The following FBLN1 variants were observed in gnomAD, a reference collection of about 807,000 sequenced individuals.
FBLN1 encodes fibulin-1.
A neutral mutation model predicts 89.7 loss-of-function variants in FBLN1; 34 were observed. The ratio of observed to expected loss-of-function variants is 0.38; its 90% CI spans 0.29 to 0.50. The LOEUF (loss-of-function observed/expected upper bound fraction) is 0.50, where lower values mean the gene tolerates loss of function less well. Ranked by LOEUF, FBLN1 falls within the 20% of genes least tolerant of loss-of-function variation. The pLI is 0.92. For missense variants in FBLN1, 777 were observed against 988.1 expected (o/e 0.79, Z 2.86); for synonymous variants, 393 against 391.3 (o/e 1.00, Z -0.05).
chr22:45,529,156 G>A (rs1339274946), intron 4 of FBLN1, among the ~76,000 whole-genome samples: 7 of 152,230 alleles, frequency 4.6e-5, no homozygotes, highest in South Asian at 4.1e-4. Context: ...CAGCCGACAC[G>A]TGGAGGAGGG....
chr22:45,600,202 A>G (rs1035887286), intron 16 of FBLN1, 105 bp from the exon 17 acceptor site: 53 of 1,384,782 alleles, frequency 3.8e-5, no homozygotes, highest in Middle Eastern at 4.5e-4. Flanking sequence ...CATGAGGTCT[A>G]TGCCTCCTTC....
At chr22:45,585,815 C>A (rs905369952) in intron 16 of FBLN1, among the ~76,000 whole-genome samples, 8 of 152,106 alleles carry the variant, frequency 5.3e-5, no homozygotes, top group Non-Finnish European at 1.0e-4. Flanking sequence ...ATGTCGTGAC[C>A]CCATGGGGCA....
chr22:45,542,995 G>A (rs1457867441), intron 10 of FBLN1, among the ~76,000 whole-genome samples: 3 of 152,338 alleles, frequency 2.0e-5, no homozygotes, highest in East Asian at 1.9e-4. Flanking sequence ...GGCCAGGCGC[G>A]ATGGCTCATG....
At chr22:45,596,196 A>G (rs141170572) in intron 16 of FBLN1, among the ~76,000 whole-genome samples, 9 of 152,298 alleles carry the variant, frequency 5.9e-5, no homozygotes, top group African/African-American at 2.2e-4. Flanking sequence ...ATCCCTGTTC[A>G]TAGAAGAGGA....
At chr22:45,528,707 G>C (rs1270950807) in intron 4 of FBLN1, among the ~76,000 whole-genome samples, 2 of 151,798 alleles carry the variant, frequency 1.3e-5, no homozygotes, top group East Asian at 2.0e-4. Context: ...CTAAATATTT[G>C]AGTACCATAC....
chr22:45,516,706 C>G (rs1056218477), intron 1 of FBLN1, among the ~76,000 whole-genome samples: 1 of 152,226 alleles, frequency 6.6e-6, no homozygotes, highest in South Asian at 2.1e-4. Flanking sequence ...TGCTGTGGCA[C>G]GAAACTTCAC....
rs772021577 is a variant in FBLN1 at position 45,580,440 on chromosome 22, C to T, written c.1972+3332C>T. Among the ~76,000 whole-genome samples, 2 of 152,284 alleles carry T rather than the reference C, an allele frequency of 1.3e-5. No individual in the cohort carries two copies. The highest frequency in any genetic ancestry group is 1.5e-5 in the Non-Finnish European group (1 of 68,022). ...AGGGCTTCCTGGAGGAGGTGAGGCC[C>T]GAGCTGAGTGTCCTTGCATGTGAGG... On this transcript the variant is annotated intron_variant, in intron 16 of 16. Transcript: ENST00000327858. This position sits in a 1 kb window ranked among gnomAD's most constrained non-coding sequence, Gnocchi z 8.6.
chr22:45,529,358 C>A (rs1326674172), intron 4 of FBLN1, among the ~76,000 whole-genome samples: 1 of 152,250 alleles, frequency 6.6e-6, no homozygotes, highest in Non-Finnish European at 1.5e-5. Flanking sequence ...CCCCCCCGTT[C>A]TGTGTCCTCG....
At chr22:45,533,462 G>T (rs1602183252) in intron 6 of FBLN1, among the ~76,000 whole-genome samples, 1 of 152,332 alleles carries the variant, frequency 6.6e-6, no homozygotes, top group Non-Finnish European at 1.5e-5. Flanking sequence ...AGCCTCTCCT[G>T]GCCCCCGCGT....
At chr22:45,559,665 C>T (rs2105926) in intron 14 of FBLN1, among the ~76,000 whole-genome samples, 84,973 of 151,952 alleles carry the variant, frequency 0.56, 23,778 homozygotes, top group Middle Eastern at 0.66. Context: ...ATTACCTGAC[C>T]TCCTTAAGCC....
chr22:45,582,051 G>A (rs2089046435), intron 16 of FBLN1, among the ~76,000 whole-genome samples: 1 of 152,182 alleles, frequency 6.6e-6, no homozygotes. Context: ...TGAGGTTGCG[G>A]TTGAGGTTGT....
intron 14 of FBLN1, among the ~76,000 whole-genome samples, chr22:45,552,001 GT>G (rs1369575206): frequency 5.9e-5 from 9 of 152,376 alleles, no homozygotes; most frequent in Admixed American, 4.6e-4. Flanking sequence ...TTGGCCATGT[GT>G]GCTGAGGTCA....
chr22:45,535,451 C>A, intron 8 of FBLN1, 114 bp downstream of exon 8: 1 of 1,312,198 alleles, frequency 7.6e-7, no homozygotes, highest in Non-Finnish European at 1.1e-6. Context: ...CAGGGGTTGG[C>A]AAACTTTTTG....
chr22:45,535,448 T>G, intron 8 of FBLN1, 111 bp downstream of exon 8: 1 of 1,346,602 alleles, frequency 7.4e-7, no homozygotes. Context: ...GAACAGGGGT[T>G]GGCAAACTTT....
At chr22:45,520,823 C>A (rs926849332) in intron 2 of FBLN1, among the ~76,000 whole-genome samples, 5 of 151,902 alleles carry the variant, frequency 3.3e-5, no homozygotes, top group African/African-American at 9.7e-5. Flanking sequence ...TATCTTTTTT[C>A]TTTATTTTTT....
chr22:45,557,939 C>G lies in FBLN1; in HGVS notation c.1697+7324C>G. On this transcript the variant is annotated intron_variant, in intron 14 of 16. Transcript: ENST00000327858. The surrounding 1 kb of genome is among the most constrained non-coding windows in gnomAD (Gnocchi z 4.9). ...GAAGTTCTGCCCACTGGGAAGATTTCCCTTTGCCACTGTCCTTCAGGGATG... is the reference window on the plus strand; with the variant it reads ...GAAGTTCTGCCCACTGGGAAGATTTGCCTTTGCCACTGTCCTTCAGGGATG... The G allele has an allele frequency of 1.5e-6, 1 of 647,158 alleles. No homozygotes were observed. Among genetic ancestry groups the G allele is most frequent in the Non-Finnish European group, 2.9e-6 (1 of 345,032 alleles). The allele number at this position is 647,158 out of a possible 1,614,324, so 40.1% of individuals were successfully genotyped here.
rs1286999945 is a variant in FBLN1 at position 45,531,838 on chromosome 22, GGCCT to G, written c.544+515_544+518del. On this transcript the variant is annotated intron_variant, in intron 5 of 16. Coordinates refer to ENST00000327858, the MANE Select transcript of FBLN1 (RefSeq NM_006486.3). The surrounding 1 kb of genome is among the most constrained non-coding windows in gnomAD (Gnocchi z 4.9). Reference sequence around the variant, plus strand: ...AAGCCTGCACGTTACCGAGCCCCCAGGCCTTGTGAAGGTGACAGAGGCCTCCCTC... The same window carrying G: ...AAGCCTGCACGTTACCGAGCCCCCAGTGTGAAGGTGACAGAGGCCTCCCTC... 6.6e-6 allele frequency among the ~76,000 whole-genome samples: 1 copy of G among 152,198 alleles called. No homozygotes were observed. Among genetic ancestry groups the G allele is most frequent in the African/African-American group, 2.4e-5 (1 of 41,442 alleles).
rs1437583237 is a variant in FBLN1, at chr22:45,590,494, T to G, written c.1973-9813T>G. On this transcript the variant is annotated intron_variant, in intron 16 of 16. Transcript: ENST00000327858. The surrounding 1 kb of genome is among the most constrained non-coding windows in gnomAD (Gnocchi z 4.1). ...GCGTCTCACCTGCTGTGAGCCCGGGTGGGGGTAGGGTGAGAAGAGCCCCCT... is the reference window on the plus strand; with the variant it reads ...GCGTCTCACCTGCTGTGAGCCCGGGGGGGGGTAGGGTGAGAAGAGCCCCCT... Among the ~76,000 whole-genome samples, 1 of 151,548 alleles carries G rather than the reference T, an allele frequency of 6.6e-6. No individual in the cohort carries two copies. The highest frequency in any genetic ancestry group is 2.4e-5 in the African/African-American group (1 of 41,220).
At chr22:45,586,945 C>T (rs1022433708) in intron 16 of FBLN1, among the ~76,000 whole-genome samples, 2 of 152,098 alleles carry the variant, frequency 1.3e-5, no homozygotes, top group African/African-American at 4.8e-5. Flanking sequence ...ACGGACAGTA[C>T]AGGGCCAGAG....
Sources: gnomAD v4.1 joint callset for allele counts (sites outside exome capture counted in the v4.1 genomes callset) on GRCh38, gnomAD v4.1.1 for gene constraint, Gnocchi (gnomAD v3.1) non-coding constraint, MANE v1.5 for transcripts, NCBI Gene and HGNC (gene_info 2026-07-23, HGNC 2026-07-21) for gene names.